The following SLC38A6 variants were observed in gnomAD, a reference collection of about 807,000 sequenced individuals.
SLC38A6 encodes N system amino acid transporter NAT-1.
A neutral mutation model predicts 65.0 loss-of-function variants in SLC38A6; 73 were observed. That is an observed-to-expected ratio of 1.12 (90% confidence interval 0.93 to 1.37). SLC38A6 has a LOEUF of 1.37. SLC38A6 is among the 40% of genes most tolerant of loss of function. SLC38A6 has a pLI of 0.00. For synonymous variants in SLC38A6, 183 were observed against 178.8 expected, an observed-to-expected ratio of 1.02 and a Z score of -0.19; for missense variants, 561 against 531.1, an observed-to-expected ratio of 1.06 and a Z score of -0.55.
intron 3 of SLC38A6, chr14:61,002,353 A>G (rs766917658): frequency 2.0e-5 from 3 of 152,240 alleles, no homozygotes; most frequent in Non-Finnish European, 2.9e-5. Context: ...AAAAGATCAG[A>G]GGAAAATGAT....
At chr14:61,069,537 C>A (rs150123747) in intron 15 of SLC38A6, among the ~76,000 whole-genome samples, 7 of 152,244 alleles carry the variant, frequency 4.6e-5, no homozygotes, top group African/African-American at 1.7e-4. Flanking sequence ...ACTCCTCTCC[C>A]TACTCCCACT....
rs141535869 is a variant in SLC38A6 at position 61,020,385 on chromosome 14, CT to C, written c.403+807del. ...TTGTATAGTCAGAGGACATTTTAAT[CT>C]TATTTTTTACATGTAACAGTTTAAT... On this transcript the variant is annotated intron_variant, in intron 5 of 15. Transcript: ENST00000267488. Among the ~76,000 whole-genome samples, 265 of 152,180 alleles carry C rather than the reference CT, an allele frequency of 1.7e-3. No homozygotes were observed. In the East Asian group the frequency reaches 0.028, roughly 16 times the overall value.
chr14:61,011,098 C>G (rs2039528106), intron 3 of SLC38A6, among the ~76,000 whole-genome samples: 1 of 152,134 alleles, frequency 6.6e-6, no homozygotes, highest in South Asian at 2.1e-4. Context: ...TCCTTCACAT[C>G]CCTTCTAAGT....
chr14:61,005,848 A>G (rs894699581), intron 3 of SLC38A6, among the ~76,000 whole-genome samples: 2 of 152,146 alleles, frequency 1.3e-5, no homozygotes, highest in African/African-American at 4.8e-5. Flanking sequence ...ATATGGAACC[A>G]AAAAAGAGCC....
At chr14:61,011,869 C>CT (rs2039597826) in intron 3 of SLC38A6, among the ~76,000 whole-genome samples, 1 of 152,154 alleles carries the variant, frequency 6.6e-6, no homozygotes, top group South Asian at 2.1e-4. Flanking sequence ...CTCTGCCAGA[C>CT]TTTGGTATCA....
chr14:60,984,553 T>G (rs1020877059), intron 2 of SLC38A6, among the ~76,000 whole-genome samples, 177 bp from the exon 3 acceptor site: 6 of 152,206 alleles, frequency 3.9e-5, no homozygotes, highest in African/African-American at 9.7e-5. Context: ...TAAATAAAAT[T>G]GGTAAATACA....
At chr14:61,075,455 G>A (rs183775483) in intron 15 of SLC38A6, among the ~76,000 whole-genome samples, 22 of 152,280 alleles carry the variant, frequency 1.4e-4, no homozygotes, top group Non-Finnish European at 2.5e-4. Flanking sequence ...AGGGTTGTGG[G>A]ACGATCCTCA....
chr14:61,081,548 A>G (rs2043650267), intron 16 of SLC38A6, among the ~76,000 whole-genome samples: 1 of 152,046 alleles, frequency 6.6e-6, no homozygotes, highest in South Asian at 2.1e-4. Flanking sequence ...AGCTAGGCGT[A>G]GTAGTGTGTG....
rs573367044 is a variant in SLC38A6 at position 61,016,072 on chromosome 14, C to G, written c.363+116C>G. 7.7e-6 allele frequency: 5 copies of G among 647,792 alleles called. No individual in the cohort carries two copies. The Admixed American group carries it at 9.5e-5, about 12-fold the overall frequency. 40.1% of individuals were successfully genotyped at this position (647,792 alleles called of 1,614,324 possible). ...AAGACATTAGAGGAATAAAAGGAAACTAAAGTGAGAAAAGAGAGAATGATA... is the reference window on the plus strand; with the variant it reads ...AAGACATTAGAGGAATAAAAGGAAAGTAAAGTGAGAAAAGAGAGAATGATA... On this transcript the variant is annotated intron_variant, in intron 4 of 15. Coordinates refer to ENST00000267488, the MANE Select transcript of SLC38A6 (RefSeq NM_153811.3).
At chr14:61,037,736 T>G in intron 8 of SLC38A6, 53 bp downstream of exon 8, 1 of 1,209,866 alleles carries the variant, frequency 8.3e-7, no homozygotes, top group South Asian at 1.5e-5. Flanking sequence ...TTGGACTCAT[T>G]GTGTTAGTCT....
chr14:61,014,323 G>A (rs565534098), intron 3 of SLC38A6, among the ~76,000 whole-genome samples: 2 of 152,108 alleles, frequency 1.3e-5, no homozygotes, highest in East Asian at 1.9e-4. Context: ...TTTGCCATGG[G>A]TTCGAACTTC....
chr14:61,065,237 G>T (rs941742774), intron 15 of SLC38A6, among the ~76,000 whole-genome samples: 1 of 152,116 alleles, frequency 6.6e-6, no homozygotes, highest in African/African-American at 2.4e-5. Flanking sequence ...TCCATATCTG[G>T]CATTTGACGG....
chr14:60,986,757 A>G (rs1175175439), intron 3 of SLC38A6, among the ~76,000 whole-genome samples: 2 of 152,218 alleles, frequency 1.3e-5, no homozygotes, highest in African/African-American at 4.8e-5. Context: ...GATTCTTTCA[A>G]TTCATTCTGT....
At chr14:61,067,858 A>G (rs141043814) in intron 15 of SLC38A6, among the ~76,000 whole-genome samples, 1 of 152,228 alleles carries the variant, frequency 6.6e-6, no homozygotes, top group Non-Finnish European at 1.5e-5. Context: ...ATTCTAGTGC[A>G]TCAGTCACCA....
chr14:60,981,366 G>A lies in SLC38A6; in HGVS notation c.89G>A (p.Ser30Asn). ...QPEEAEAEELSPLLSNELHRQ... is the reference protein window; with the variant it reads ...QPEEAEAEELNPLLSNELHRQ... ...GAAGAAGCGGAGGCCGAAGAGTTGA[G>A]TCCGTTGCTAAGCAACGTAAGTGGG... Residue 30 changes from serine (S) to asparagine (N), a missense_variant, in exon 1 of 16, where the codon AGT becomes AAT. Coordinates refer to ENST00000267488, the MANE Select transcript of SLC38A6 (RefSeq NM_153811.3). 6.2e-7 allele frequency: 1 copy of A among 1,604,888 alleles called. No homozygotes were observed. The highest frequency in any genetic ancestry group is 8.5e-7 in the Non-Finnish European group (1 of 1,175,870).
At position 61,051,510 on chromosome 14, in the gene SLC38A6, T is replaced by C. The variant is rs193138227; in HGVS notation, c.1051-277T>C. On this transcript the variant is annotated intron_variant, in intron 13 of 15. Transcript: ENST00000267488. Reference sequence around the variant, plus strand: ...TTTGAGACTTTTTTCATATTTTTATTGTTGGTAATTTTAAAAATTATGCAA... The same window carrying C: ...TTTGAGACTTTTTTCATATTTTTATCGTTGGTAATTTTAAAAATTATGCAA... Among the ~76,000 whole-genome samples the C allele has an allele frequency of 2.8e-3, 421 of 152,332 alleles. 2 individuals carry two copies. Among genetic ancestry groups the C allele is most frequent in the Non-Finnish European group, 4.5e-3 (308 of 68,024 alleles).
chr14:61,025,482 C>G (rs1330260352), intron 5 of SLC38A6, among the ~76,000 whole-genome samples: 1 of 152,112 alleles, frequency 6.6e-6, no homozygotes, highest in Non-Finnish European at 1.5e-5. Flanking sequence ...TCTAGAAATT[C>G]TAGAAAGCAC....
At chr14:60,986,361 T>C (rs1294591068) in intron 3 of SLC38A6, among the ~76,000 whole-genome samples, 4 of 152,196 alleles carry the variant, frequency 2.6e-5, no homozygotes, top group African/African-American at 9.7e-5. Flanking sequence ...GGATCCATAG[T>C]TTATAGCTCT....
chr14:60,989,124 A>G (rs1056923917), intron 3 of SLC38A6, among the ~76,000 whole-genome samples: 1 of 152,214 alleles, frequency 6.6e-6, no homozygotes, highest in Admixed American at 6.5e-5. Context: ...AAATAGAAGC[A>G]ATCATAAAAG....
Sources: allele counts gnomAD v4.1 joint callset (sites outside exome capture counted in the v4.1 genomes callset), GRCh38; gene constraint gnomAD v4.1.1; transcripts MANE v1.5; gene names NCBI Gene and HGNC (gene_info 2026-07-23, HGNC 2026-07-21).